Variants in LAMA1 observed in about 807,000 individuals in gnomAD.
LAMA1 encodes the protein laminin subunit alpha-1.
A neutral mutation model predicts 348.7 loss-of-function variants in LAMA1; 219 were observed. That is an observed-to-expected ratio of 0.63 (90% CI 0.56 to 0.70). LAMA1 has a LOEUF of 0.70. LAMA1 is among the 30% of genes least tolerant of loss of function. LAMA1 has a pLI of 0.00. For synonymous variants in LAMA1, 1,487 were observed against 1,491.0 expected, an observed-to-expected ratio of 1.00 and a Z score of 0.06; for missense variants, 3,744 against 3,888.0, an observed-to-expected ratio of 0.96 and a Z score of 0.99.
At chr18:7,054,621 C>A (rs1284980286) in intron 3 of LAMA1, among the ~76,000 whole-genome samples, 5 of 152,236 alleles carry the variant, frequency 3.3e-5, no homozygotes, top group African/African-American at 1.2e-4. Flanking sequence ...TGTAAATGGA[C>A]CTCTAAACGT....
At chr18:6,983,913 A>G (rs1890082537) in intron 39 of LAMA1, among the ~76,000 whole-genome samples, 1 of 152,206 alleles carries the variant, frequency 6.6e-6, no homozygotes, top group Non-Finnish European at 1.5e-5. Flanking sequence ...TGAGTCGGGC[A>G]ATTCCCAGAC....
At chr18:7,029,255 C>T (rs1196317072) in intron 16 of LAMA1, among the ~76,000 whole-genome samples, 1 of 152,150 alleles carries the variant, frequency 6.6e-6, no homozygotes, top group Non-Finnish European at 1.5e-5. Flanking sequence ...CTAGCAAGCT[C>T]CCAGGTGATG....
In LAMA1 at chr18:6,949,227, G is replaced by A; in HGVS notation, c.8430C>T (p.Phe2810=). Residue 2810 remains phenylalanine, a synonymous_variant, in exon 59 of 63, where the codon TTC becomes TTT. Coordinates refer to ENST00000389658, the MANE Select transcript of LAMA1 (RefSeq NM_005559.4). ...GAGACTCTCGGCCGTCGACAGTTAT[G>A]AAGCCTTTTCTTTTAACATAGTCTG... ...VKTDYVKRKG[F]ITVDGRESPM... 6.2e-7 allele frequency: 1 copy of A among 1,614,202 alleles called. No homozygotes were observed. The highest frequency in any genetic ancestry group is 8.5e-7 in the Non-Finnish European group (1 of 1,180,044).
In LAMA1 at chr18:7,017,406, CAT is replaced by C. The variant is rs575962798; in HGVS notation, c.2702-24_2702-23del. On this transcript the variant is annotated intron_variant, in intron 19 of 62. Transcript: ENST00000389658. The stretch of plus-strand genomic sequence containing the variant: ...CAGGCTAAACACATGCACACAAAGA[CAT>C]ATTAACCCTCACTTCTGAGGATGGT... 3 of 1,524,696 alleles carry C rather than the reference CAT, an allele frequency of 2.0e-6. No homozygotes were observed. In the South Asian group the frequency reaches 3.4e-5, roughly 17 times the overall value. The allele number at this position is 1,524,696 out of a possible 1,614,324, so 94.4% of individuals were successfully genotyped here. A position where few individuals can be genotyped will look rare whatever the true frequency, so the allele number is the denominator to read the frequency against.
Position 6,943,176 on chromosome 18 carries a change from A to G in LAMA1, c.9067+4T>C, listed in dbSNP as rs8091658. 845 of 1,613,552 alleles carry G rather than the reference A, an allele frequency of 5.2e-4. 2 individuals carry two copies. In the African/African-American group the frequency reaches 9.8e-3, roughly 19 times the overall value. ...TGAGTGGAAGAGCAGGTACCCGTAC[A>G]TACCAGGATAGCCACCAACATAAAT... On this transcript the variant is annotated splice_donor_region_variant and intron_variant, in intron 62 of 62. Coordinates refer to ENST00000389658, the MANE Select transcript of LAMA1 (RefSeq NM_005559.4).
At chr18:7,091,602 T>G (rs1258293838) in intron 1 of LAMA1, among the ~76,000 whole-genome samples, 2 of 152,240 alleles carry the variant, frequency 1.3e-5, no homozygotes, top group African/African-American at 4.8e-5. Flanking sequence ...TTGCTTATGC[T>G]TTAAAACTTT....
At chr18:7,002,890 T>C (rs928387559) in intron 29 of LAMA1, among the ~76,000 whole-genome samples, 11 of 152,074 alleles carry the variant, frequency 7.2e-5, no homozygotes, top group African/African-American at 2.7e-4. Context: ...TCTTTCTTTT[T>C]TTTTTTTAAG....
At chr18:6,947,792 C>G (rs1334646281) in intron 60 of LAMA1, among the ~76,000 whole-genome samples, 2 of 151,988 alleles carry the variant, frequency 1.3e-5, no homozygotes, top group Non-Finnish European at 2.9e-5. Context: ...ATAAAAAAGC[C>G]GAGGAGCCAC....
intron 30 of LAMA1, 88 bp downstream of exon 30, chr18:7,002,176 C>G: frequency 2.6e-6 from 4 of 1,535,134 alleles, no homozygotes; most frequent in East Asian, 4.6e-5. Context: ...TCATTAACAA[C>G]AGACCACTCA....
intron 34 of LAMA1, 43 bp from the exon 35 acceptor site, chr18:6,993,795 A>C (rs1191575024): frequency 8.8e-7 from 1 of 1,141,504 alleles, no homozygotes. Context: ...ACTTTAAGTA[A>C]TTAGTTTGAC....
chr18:6,954,537 G>A (rs1388828164), intron 57 of LAMA1: 2 of 153,160 alleles, frequency 1.3e-5, no homozygotes, highest in East Asian at 1.9e-4. Flanking sequence ...GGCTTTTAAA[G>A]TCGAGACTGT....
Position 7,011,612 on chromosome 18 carries a change from CT to C in LAMA1, c.3508-134del, listed in dbSNP as rs1186872393. On this transcript the variant is annotated intron_variant, in intron 24 of 62. Coordinates refer to ENST00000389658, the MANE Select transcript of LAMA1 (RefSeq NM_005559.4). ...AAAACAGAAACAGTAAAGACTTTTC[CT>C]TTAAACTAAACATCTGGAAGAAAAT... 1.9e-5 allele frequency: 18 copies of C among 967,686 alleles called. No individual in the cohort carries two copies. In the African/African-American group the frequency reaches 2.8e-4, roughly 15 times the overall value. The allele number at this position is 967,686 out of a possible 1,614,324, so 59.9% of individuals were successfully genotyped here.
rs531109027 is a variant in LAMA1, at chr18:7,006,889, C to T, written c.4260+250G>A. Among the ~76,000 whole-genome samples, 60 of 152,180 alleles carry T rather than the reference C, an allele frequency of 3.9e-4. No individual in the cohort carries two copies. The South Asian group carries it at 0.012, about 30-fold the overall frequency. ...GATGAAAATGTCATTATTTGGTGCA[C>T]GACTATAATTCCCAAATTGATGCCC... On this transcript the variant is annotated intron_variant, in intron 29 of 62. Transcript: ENST00000389658.
intron 48 of LAMA1, among the ~76,000 whole-genome samples, chr18:6,968,839 A>C (rs1240576953): frequency 6.6e-6 from 1 of 152,198 alleles, no homozygotes; most frequent in East Asian, 1.9e-4. Context: ...AACAGTCAAA[A>C]ATTTTTTAAA....
chr18:6,978,149 C>T (rs1244226498), intron 43 of LAMA1, 47 bp downstream of exon 43: 11 of 1,610,646 alleles, frequency 6.8e-6, no homozygotes, highest in Non-Finnish European at 9.3e-6. Flanking sequence ...AGCTCCACGT[C>T]TGCATGACGC....
chr18:7,032,909 T>C (rs777108822), intron 15 of LAMA1, 75 bp downstream of exon 15: 28 of 1,098,480 alleles, frequency 2.5e-5, no homozygotes, highest in Non-Finnish European at 3.7e-5. Context: ...ATGTTTGCCA[T>C]GACATCCCCT....
chr18:7,115,820 A>C (rs866015747), intron 1 of LAMA1, among the ~76,000 whole-genome samples: 2,770 of 148,692 alleles, frequency 0.019, 71 homozygotes, highest in South Asian at 0.039. Context: ...AATACAAAAA[A>C]AAAAAAAAAA....
chr18:7,057,799 T>TC (rs1491270822), intron 3 of LAMA1, among the ~76,000 whole-genome samples: 1 of 90,274 alleles, frequency 1.1e-5, no homozygotes, highest in East Asian at 3.3e-4. Context: ...TCTTTCTTTC[T>TC]TTTTTTTTTT....
intron 57 of LAMA1, among the ~76,000 whole-genome samples, chr18:6,951,662 CA>C (rs11284216): frequency 0.74 from 111,726 of 151,864 alleles, 41,864 homozygotes; most frequent in East Asian, 0.84. Context: ...GTCAGGGGGT[CA>C]GGGGTGAAGC....
Sources: gnomAD v4.1 joint callset for allele counts (sites outside exome capture counted in the v4.1 genomes callset) on GRCh38, gnomAD v4.1.1 for gene constraint, MANE v1.5 for transcripts, NCBI Gene and HGNC (gene_info 2026-07-23, HGNC 2026-07-21) for gene names.